POLQ: variants seen among roughly 807,000 people sequenced by gnomAD.
POLQ encodes the protein epididymis secretory sperm binding protein.
Under a neutral mutation model 259.2 loss-of-function variants are expected in POLQ, and 233 were observed. The observed-to-expected ratio is 0.90, with a 90% CI of 0.81 to 1.00. The LOEUF (loss-of-function observed/expected upper bound fraction) is 1.00. POLQ is among the 50% of genes least tolerant of loss of function. POLQ has a pLI of 0.00. For synonymous variants in POLQ, 1,025 were observed against 1,048.8 expected, an observed-to-expected ratio of 0.98 and a Z score of 0.44; for missense variants, 2,871 against 3,051.6, an observed-to-expected ratio of 0.94 and a Z score of 1.39.
At chr3:121,543,399 G>C (rs1273363629) in intron 2 of POLQ, among the ~76,000 whole-genome samples, 1 of 152,126 alleles carries the variant, frequency 6.6e-6, no homozygotes, top group Non-Finnish European at 1.5e-5. Context: ...GTACTACCGA[G>C]GCACACATAC....
At chr3:121,449,535 A>G (rs2047656422) in intron 25 of POLQ, 109 bp from the exon 26 acceptor site, 1 of 709,938 alleles carries the variant, frequency 1.4e-6, no homozygotes, top group African/African-American at 1.8e-5. Context: ...AGTGAGTGAA[A>G]CAATGATTAG....
In POLQ at chr3:121,433,011, C is replaced by A. The variant is rs1399030575; in HGVS notation, c.7566G>T (p.Leu2522=). The A allele has an allele frequency of 8.7e-6, 14 of 1,609,910 alleles. No individual in the cohort carries two copies. The highest frequency in any genetic ancestry group is 1.0e-5 in the Non-Finnish European group (12 of 1,176,214). Residue 2522 remains leucine (L), a synonymous_variant, in exon 29 of 30, where the codon CTG becomes CTT. Coordinates refer to ENST00000264233, the MANE Select transcript of POLQ (RefSeq NM_199420.4). The part of the protein sequence containing the change: ...DQTGLSRKRK[L]QGMFCPIRGG... ...CTCTGATTGGGCAGAACATCCCTTG[C>A]AGTTTTCTCTTTCGTGACAATCCTA...
At chr3:121,491,327 C>T (rs1233538910) in intron 15 of POLQ, among the ~76,000 whole-genome samples, 2 of 109,606 alleles carry the variant, frequency 1.8e-5, no homozygotes, top group East Asian at 3.1e-4. Context: ...CACTCCAGGG[C>T]GACAGAGCGA....
At chr3:121,468,675 G>A (rs977252969) in intron 22 of POLQ, among the ~76,000 whole-genome samples, 16 of 152,042 alleles carry the variant, frequency 1.1e-4, no homozygotes, top group South Asian at 2.1e-4. Flanking sequence ...GAAAACCATC[G>A]CACAATGAGA....
At chr3:121,492,195 T>C (rs1484676323) in intron 15 of POLQ, among the ~76,000 whole-genome samples, 3 of 152,144 alleles carry the variant, frequency 2.0e-5, no homozygotes, top group Non-Finnish European at 4.4e-5. Context: ...GAAACACTAA[T>C]TGGAAATGAG....
At chr3:121,503,592 C>T (rs2048188730) in intron 12 of POLQ, among the ~76,000 whole-genome samples, 3 of 152,160 alleles carry the variant, frequency 2.0e-5, no homozygotes, top group Non-Finnish European at 4.4e-5. Context: ...TAGAACTCCA[C>T]CAAACCATAG....
chr3:121,509,489 T>C, intron 12 of POLQ, 72 bp downstream of exon 12: 5 of 1,311,664 alleles, frequency 3.8e-6, no homozygotes, highest in Non-Finnish European at 2.1e-6. Flanking sequence ...TAGGGTATCT[T>C]TGATGTTCAG....
intron 25 of POLQ, among the ~76,000 whole-genome samples, chr3:121,459,780 C>T (rs1334381464): frequency 1.3e-5 from 2 of 152,188 alleles, no homozygotes; most frequent in Non-Finnish European, 2.9e-5. Context: ...TAGTGAGTAC[C>T]AGGCACTGTG....
intron 28 of POLQ, among the ~76,000 whole-genome samples, chr3:121,435,841 T>TA (rs2047538956): frequency 6.6e-6 from 1 of 152,232 alleles, no homozygotes; most frequent in Non-Finnish European, 1.5e-5. Flanking sequence ...GTTATTTTCA[T>TA]AAAAATATGT....
chr3:121,488,912 G>T lies in POLQ; in HGVS notation c.4019C>A (p.Ala1340Asp), dbSNP rs1424741522. The change falls in exon 16 of 30, where the codon GCC becomes GAC. Residue 1340 changes from alanine to aspartate, a missense_variant. This residue lies in a region of POLQ where 2,080 missense variants were observed against 2,126.0 expected (regional missense o/e 0.98). Transcript: ENST00000264233. ...KIIQQMATENAKLGAKDTNLA... is the reference protein window; with the variant it reads ...KIIQQMATENDKLGAKDTNLA... ...GTTGGTGTCCTTTGCTCCTAGTTTG[G>T]CATTTTCAGTTGCCATCTGTTGTAT... 1.2e-6 allele frequency: 2 copies of T among 1,614,104 alleles called. No homozygotes were observed. Among genetic ancestry groups the T allele is most frequent in the South Asian group, 2.2e-5 (2 of 91,082 alleles).
chr3:121,451,509 C>A (rs2047676379), intron 25 of POLQ, among the ~76,000 whole-genome samples: 1 of 152,226 alleles, frequency 6.6e-6, no homozygotes, highest in East Asian at 1.9e-4. Context: ...TTCTAACAGT[C>A]AGGACCCTCA....
At chr3:121,527,348 C>G (rs1264178449) in intron 7 of POLQ, among the ~76,000 whole-genome samples, 1 of 152,194 alleles carries the variant, frequency 6.6e-6, no homozygotes, top group East Asian at 1.9e-4. Flanking sequence ...AGGTGTGAAC[C>G]ACCATGCCCG....
At position 121,493,712 on chromosome 3, in the gene POLQ, G is replaced by A; in HGVS notation, c.2288C>T (p.Thr763Ile). 2 of 1,612,984 alleles carry A rather than the reference G, an allele frequency of 1.2e-6. No homozygotes were observed. Among genetic ancestry groups the A allele is most frequent in the Non-Finnish European group, 1.7e-6 (2 of 1,179,078 alleles). The change falls in exon 15 of 30, where the codon ACA (threonine) becomes ATA (isoleucine). Residue 763 changes from threonine to isoleucine, a missense_variant. Around this residue, in one of 3 missense-constraint regions of POLQ, gnomAD observed 8 missense variants for 19.3 expected, o/e 0.41. Coordinates refer to ENST00000264233, the MANE Select transcript of POLQ (RefSeq NM_199420.4). Reference protein sequence around the residue: ...QSAAVYAGMITVFSNRLGWHN... With the variant: ...QSAAVYAGMIIVFSNRLGWHN... The stretch of plus-strand genomic sequence containing the variant: ...CCAGCCCAGACGGTTGGAAAATACT[G>A]TAATCATCCCTAGAACATTCATAGA...
rs771267735 is a variant in POLQ at position 121,541,488 on chromosome 3, T to G, written c.344-9A>C. 7 of 1,581,716 alleles carry G rather than the reference T, an allele frequency of 4.4e-6. No individual in the cohort carries two copies. In the African/African-American group the frequency reaches 8.2e-5, roughly 19 times the overall value. On this transcript the variant is annotated splice_polypyrimidine_tract_variant and intron_variant, in intron 2 of 29. Transcript: ENST00000264233. ...CCCAGCACTTGTAGGAGCTAAAACA[T>G]GATTATTCCACAAGATTATAAGAAA...
chr3:121,459,827 C>T (rs41561919), intron 25 of POLQ, among the ~76,000 whole-genome samples: 5,486 of 152,162 alleles, frequency 0.036, 147 homozygotes, highest in Middle Eastern at 0.082. Context: ...ATATGGTTTT[C>T]CTGACACGAA....
intron 6 of POLQ, among the ~76,000 whole-genome samples, chr3:121,531,246 G>T (rs1299055200): frequency 1.3e-5 from 2 of 152,130 alleles, no homozygotes; most frequent in African/African-American, 2.4e-5. Context: ...AAAAGAAATA[G>T]AGACCATGTA....
intron 20 of POLQ, among the ~76,000 whole-genome samples, chr3:121,475,941 C>T (rs1324428466): frequency 6.7e-6 from 1 of 148,748 alleles, no homozygotes; most frequent in Non-Finnish European, 1.5e-5. Context: ...AAGCAGATAC[C>T]AAAAAGAAAA....
chr3:121,506,979 GA>G (rs1425231676), intron 12 of POLQ, among the ~76,000 whole-genome samples: 2 of 149,180 alleles, frequency 1.3e-5, no homozygotes, highest in Non-Finnish European at 1.5e-5. Context: ...ACACTGTTAA[GA>G]AAAAAAAAGG....
intron 19 of POLQ, among the ~76,000 whole-genome samples, chr3:121,479,645 G>A (rs1396004988): frequency 6.6e-6 from 1 of 151,812 alleles, no homozygotes; most frequent in East Asian, 1.9e-4. Flanking sequence ...TAGAGACAGG[G>A]TTTCACCATG....
Sources: gnomAD v4.1 joint callset for allele counts (sites outside exome capture counted in the v4.1 genomes callset) on GRCh38, gnomAD v4.1.1 for gene constraint, gnomAD v4.1.1 regional missense constraint, MANE v1.5 for transcripts, NCBI Gene and HGNC (gene_info 2026-07-23, HGNC 2026-07-21) for gene names.